The following GLP1R variants were observed in gnomAD, a reference collection of about 807,000 sequenced individuals.
GLP1R encodes glucagon like peptide 1 receptor, also known as glucagon-like peptide 1 receptor.
In GLP1R, 32 loss-of-function variants were observed where a neutral mutation model predicts 68.4. The ratio of observed to expected loss-of-function variants is 0.47; its 90% CI spans 0.35 to 0.63. The LOEUF is 0.63. GLP1R is among the 20% of genes least tolerant of loss of function. The pLI, the probability that GLP1R is intolerant of heterozygous loss-of-function variation, is 0.00. For missense variants in GLP1R, 502 were observed against 594.9 expected, an observed-to-expected ratio of 0.84 and a Z score of 1.62; for synonymous variants, 263 against 244.4, an observed-to-expected ratio of 1.08 and a Z score of -0.71.
intron 3 of GLP1R, among the ~76,000 whole-genome samples, chr6:39,064,266 G>A (rs144925072): frequency 0.073 from 11,162 of 151,890 alleles, 535 homozygotes; most frequent in African/African-American, 0.12. Flanking sequence ...CGGCCTCCCA[G>A]AGTGCTAGGA....
At position 39,079,793 on chromosome 6, in the gene GLP1R, G is replaced by A. The variant is rs1342846582; in HGVS notation, c.1182+91G>A. 1 of 1,208,390 alleles carries A rather than the reference G, an allele frequency of 8.3e-7. No individual in the cohort carries two copies. Among genetic ancestry groups the A allele is most frequent in the African/African-American group, 1.5e-5 (1 of 66,016 alleles). 74.9% of individuals were successfully genotyped at this position (1,208,390 alleles called of 1,614,324 possible). A position where few individuals can be genotyped will look rare whatever the true frequency, so the allele number is the denominator to read the frequency against. On this transcript the variant is annotated intron_variant, in intron 11 of 12. Transcript: ENST00000373256. The surrounding 1 kb of genome is among the most constrained non-coding windows in gnomAD (Gnocchi z 4.5). ...TGCATCATGCAGATGGAAAAGGTGGGAAGACTGGGACCTGGAGGGGTGATC... is the reference window on the plus strand; with the variant it reads ...TGCATCATGCAGATGGAAAAGGTGGAAAGACTGGGACCTGGAGGGGTGATC...
At chr6:39,058,897 G>A (rs1371055341) in intron 3 of GLP1R, among the ~76,000 whole-genome samples, 7 of 152,242 alleles carry the variant, frequency 4.6e-5, no homozygotes, top group Admixed American at 1.3e-4. Context: ...CCTTGAAGGG[G>A]CTGGAGCCCA....
rs1471713279 is a variant in GLP1R at position 39,088,289 on chromosome 6, C to A, written c.*2216C>A. Among the ~76,000 whole-genome samples, 1 of 151,882 alleles carries A rather than the reference C, an allele frequency of 6.6e-6. No individual in the cohort carries two copies. On this transcript the variant is annotated 3_prime_UTR_variant, in exon 13 of 13. Transcript: ENST00000373256. ...AATCTTTTCTTTGCTCCAACCCCCG[C>A]TCCCCCGGCCCCCCGAAGCTATTAA...
intron 5 of GLP1R, among the ~76,000 whole-genome samples, chr6:39,070,073 A>G (rs933055644): frequency 6.6e-6 from 1 of 152,122 alleles, no homozygotes; most frequent in Non-Finnish European, 1.5e-5. Context: ...AGGGCTCACA[A>G]ACTCACTTAG....
intron 3 of GLP1R, among the ~76,000 whole-genome samples, chr6:39,063,702 C>T (rs1360632924): frequency 6.6e-6 from 1 of 152,044 alleles, no homozygotes. Flanking sequence ...TGTCTGGGAT[C>T]AGGGTTAGGG....
chr6:39,079,241 G>T lies in GLP1R; in HGVS notation c.1043+41G>T. The T allele has an allele frequency of 2.2e-6, 3 of 1,343,806 alleles. No homozygotes were observed. Among genetic ancestry groups the T allele is most frequent in the South Asian group, 1.2e-5 (1 of 85,698 alleles). 83.2% of individuals were successfully genotyped at this position (1,343,806 alleles called of 1,614,324 possible). ...TGGCTTTACTGAGGACCCTCAGCAA[G>T]TGCCCCTTTCCTTCTAGCAGAGAGA... is the stretch of plus-strand genomic sequence containing the variant. On this transcript the variant is annotated intron_variant, in intron 10 of 12. Transcript: ENST00000373256. This position sits in a 1 kb window ranked among gnomAD's most constrained non-coding sequence, Gnocchi z 4.5.
At chr6:39,063,444 C>A (rs529073983) in intron 3 of GLP1R, among the ~76,000 whole-genome samples, 1 of 152,142 alleles carries the variant, frequency 6.6e-6, no homozygotes, top group African/African-American at 2.4e-5. Flanking sequence ...TAAATGCGTT[C>A]GAAGGGTATT....
Position 39,089,048 on chromosome 6 carries a change from A to G in GLP1R, c.*2975A>G, listed in dbSNP as rs1027813132. Among the ~76,000 whole-genome samples, 2 of 152,246 alleles carry G rather than the reference A, an allele frequency of 1.3e-5. No homozygotes were observed. The highest frequency in any genetic ancestry group is 2.9e-5 in the Non-Finnish European group (2 of 68,042). ...GTGGTGTTATCTGGAATTTCTACTG[A>G]AGAGGAAATACAGCAGCAAAGGTAG... On this transcript the variant is annotated 3_prime_UTR_variant, in exon 13 of 13. Transcript: ENST00000373256. This position sits in a 1 kb window ranked among gnomAD's most constrained non-coding sequence, Gnocchi z 4.1.
At chr6:39,070,845 C>T (rs1475168866) in intron 5 of GLP1R, among the ~76,000 whole-genome samples, 1 of 151,588 alleles carries the variant, frequency 6.6e-6, no homozygotes, top group Non-Finnish European at 1.5e-5. Context: ...GATTTACCCT[C>T]TCTTTAGTCT....
chr6:39,077,796 G>A (rs1218641222), intron 7 of GLP1R, among the ~76,000 whole-genome samples: 1 of 152,228 alleles, frequency 6.6e-6, no homozygotes, highest in Non-Finnish European at 1.5e-5. Flanking sequence ...TGGCATCAAG[G>A]ACTGGGCTCC....
intron 3 of GLP1R, among the ~76,000 whole-genome samples, chr6:39,062,722 T>A (rs769034577): frequency 6.6e-6 from 1 of 152,236 alleles, no homozygotes; most frequent in Non-Finnish European, 1.5e-5. Context: ...GGCTGCTAAC[T>A]TGGGACCTCC....
At chr6:39,070,914 T>C (rs1768642441) in intron 5 of GLP1R, among the ~76,000 whole-genome samples, 1 of 152,208 alleles carries the variant, frequency 6.6e-6, no homozygotes, top group Non-Finnish European at 1.5e-5. Flanking sequence ...TTCATTTTAA[T>C]GGAATAAAGT....
intron 5 of GLP1R, 136 bp from the exon 6 acceptor site, chr6:39,072,726 G>T: frequency 1.4e-6 from 1 of 699,924 alleles, no homozygotes. Flanking sequence ...AGGAAGAAGG[G>T]TATTCATAGA....
chr6:39,063,219 G>A (rs1213948946), intron 3 of GLP1R, among the ~76,000 whole-genome samples: 3 of 152,204 alleles, frequency 2.0e-5, no homozygotes, highest in Non-Finnish European at 4.4e-5. Context: ...TCCGCATGGA[G>A]TCAGCTCAGG....
intron 3 of GLP1R, among the ~76,000 whole-genome samples, chr6:39,059,447 G>C (rs1768304300): frequency 6.6e-6 from 1 of 152,130 alleles, no homozygotes; most frequent in South Asian, 2.1e-4. Flanking sequence ...GAGTGATCTG[G>C]ATGCCCTCTG....
At chr6:39,084,075 C>T (rs944008530) in intron 12 of GLP1R, among the ~76,000 whole-genome samples, 3 of 152,022 alleles carry the variant, frequency 2.0e-5, no homozygotes, top group African/African-American at 7.2e-5. Context: ...GGACCAGGGA[C>T]AAGCAGGACT....
chr6:39,061,150 C>T (rs1768347734), intron 3 of GLP1R, among the ~76,000 whole-genome samples: 1 of 152,244 alleles, frequency 6.6e-6, no homozygotes, highest in South Asian at 2.1e-4. Flanking sequence ...CAGCCAAGCC[C>T]TTGAATTCTG....
intron 3 of GLP1R, among the ~76,000 whole-genome samples, chr6:39,063,181 G>A (rs1376270747): frequency 6.6e-6 from 1 of 152,154 alleles, no homozygotes; most frequent in Non-Finnish European, 1.5e-5. Flanking sequence ...AAAGCAGGCT[G>A]CTAGTGCAGG....
chr6:39,072,088 A>G (rs937083457), intron 5 of GLP1R, among the ~76,000 whole-genome samples: 3 of 152,258 alleles, frequency 2.0e-5, no homozygotes, highest in African/African-American at 7.2e-5. Context: ...CATACTTATC[A>G]GCAACCTTGC....
Sources: gnomAD v4.1 joint callset for allele counts (sites outside exome capture counted in the v4.1 genomes callset) on GRCh38, gnomAD v4.1.1 for gene constraint, Gnocchi (gnomAD v3.1) non-coding constraint, MANE v1.5 for transcripts, NCBI Gene and HGNC (gene_info 2026-07-23, HGNC 2026-07-21) for gene names.